The following SLC5A11 variants were observed in gnomAD, a reference collection of about 807,000 sequenced individuals.
The protein encoded by SLC5A11 is solute carrier family 5 member 11.
SLC5A11 carries 48 observed loss-of-function variants against 69.8 expected under a neutral mutation model. The observed-to-expected ratio is 0.69, with a 90% CI of 0.55 to 0.87. SLC5A11 has a LOEUF of 0.87. Among genes scored for constraint, SLC5A11 ranks in the 40% least tolerant of loss-of-function variants. The pLI is 0.00. For missense variants in SLC5A11, 784 were observed against 866.1 expected, an observed-to-expected ratio of 0.91 and a Z score of 1.19; for synonymous variants, 319 against 342.4, an observed-to-expected ratio of 0.93 and a Z score of 0.75.
At chr16:24,904,160 T>C (rs1232322213) in intron 10 of SLC5A11, among the ~76,000 whole-genome samples, 1 of 152,114 alleles carries the variant, frequency 6.6e-6, no homozygotes, top group Non-Finnish European at 1.5e-5. Context: ...ATCACCTCCC[T>C]CCCTCGACAT....
At chr16:24,897,871 CAT>C (rs2049290860) in intron 9 of SLC5A11, 101 bp from the exon 11 acceptor site, 30 of 1,445,204 alleles carry the variant, frequency 2.1e-5, no homozygotes, top group South Asian at 9.1e-5. Flanking sequence ...CCTCCCACAA[CAT>C]GTGGGAATTA....
chr16:24,907,180 G>A lies in SLC5A11; in HGVS notation c.1265+5G>A. Reference sequence around the variant, plus strand: ...GGAGCTCATGATTGTGGGCAGGTAAGTCCCCACTGGGTGGGGCTGGGGCAG... The same window carrying A: ...GGAGCTCATGATTGTGGGCAGGTAAATCCCCACTGGGTGGGGCTGGGGCAG... On this transcript the variant is annotated splice_donor_5th_base_variant and intron_variant, in intron 12 of 15. Coordinates refer to ENST00000347898, the Ensembl canonical transcript of SLC5A11. 6.2e-7 allele frequency: 1 copy of A among 1,613,960 alleles called. No individual in the cohort carries two copies. Among genetic ancestry groups the A allele is most frequent in the Non-Finnish European group, 8.5e-7 (1 of 1,179,942 alleles).
At position 24,849,690 on chromosome 16, in the gene SLC5A11, T is replaced by C. The variant is rs2059216469; in HGVS notation, c.-25+3252T>C. On this transcript the variant is annotated intron_variant, in intron 1 of 15. Transcript: ENST00000347898. The stretch of plus-strand genomic sequence containing the variant: ...GGCTCAGAAGGTGCTCTGTGATGTC[T>C]ATTCTCTCTGGAATAATGAGACAAG... 2.0e-5 allele frequency among the ~76,000 whole-genome samples: 3 copies of C among 147,744 alleles called. 1 individual carries two copies. The South Asian group carries it at 6.5e-4, about 32-fold the overall frequency.
At chr16:24,874,256 A>G (rs1443598613) in intron 5 of SLC5A11, among the ~76,000 whole-genome samples, 2 of 152,228 alleles carry the variant, frequency 1.3e-5, no homozygotes, top group Admixed American at 6.5e-5. Flanking sequence ...AGTTGCTCCC[A>G]GTATTGGTCT....
chr16:24,849,593 A>AAAAAAAATATATAT, intron 1 of SLC5A11, among the ~76,000 whole-genome samples: 3 of 35,908 alleles, frequency 8.4e-5, no homozygotes, highest in African/African-American at 2.8e-4. Flanking sequence ...AAAAAAAAAA[A>AAAAAAAATATATAT]ATATATATAT....
At chr16:24,876,362 T>G (rs957068078) in intron 6 of SLC5A11, among the ~76,000 whole-genome samples, 1 of 152,154 alleles carries the variant, frequency 6.6e-6, no homozygotes, top group Non-Finnish European at 1.5e-5. Flanking sequence ...ATAGGACTGT[T>G]CTCTTCCTCC....
intron 3 of SLC5A11, among the ~76,000 whole-genome samples, chr16:24,864,930 A>G (rs2046828328): frequency 6.6e-6 from 1 of 152,134 alleles, no homozygotes; most frequent in South Asian, 2.1e-4. Context: ...GAAATTGAAG[A>G]TAGATTAATT....
intron 10 of SLC5A11, among the ~76,000 whole-genome samples, chr16:24,904,121 A>T (rs1023995857): frequency 3.3e-5 from 5 of 152,194 alleles, no homozygotes; most frequent in Non-Finnish European, 4.4e-5. Context: ...TATCATGAGT[A>T]CACAAGGGGG....
At chr16:24,908,210 T>G in intron 13 of SLC5A11, 79 bp downstream of exon 14, 1 of 1,467,872 alleles carries the variant, frequency 6.8e-7, no homozygotes, top group Non-Finnish European at 9.1e-7. Context: ...GGGGAGGGTG[T>G]TGGAGGGAGA....
rs903201540 is a variant in SLC5A11, at chr16:24,903,206, ATTATTT to A, written c.1007-3447_1007-3442del. 4.0e-5 allele frequency among the ~76,000 whole-genome samples: 6 copies of A among 148,894 alleles called. No homozygotes were observed. The South Asian group carries it at 8.5e-4, about 21-fold the overall frequency. On this transcript the variant is annotated intron_variant, in intron 10 of 15. Transcript: ENST00000347898. The stretch of plus-strand genomic sequence containing the variant: ...GACATCTGTTTTTTTTTTTTCTCTT[ATTATTT>A]TTAACTAATTATTTTAATACAAATT...
intron 10 of SLC5A11, among the ~76,000 whole-genome samples, chr16:24,904,358 A>G (rs914659899): frequency 6.6e-6 from 1 of 152,220 alleles, no homozygotes; most frequent in African/African-American, 2.4e-5. Flanking sequence ...AGTAATTTAC[A>G]TCTCCACCAA....
chr16:24,860,982 C>T (rs963967523), intron 2 of SLC5A11, among the ~76,000 whole-genome samples: 1 of 150,676 alleles, frequency 6.6e-6, no homozygotes, highest in African/African-American at 2.4e-5. Flanking sequence ...GCTGGGATTA[C>T]AGGTGTGAGC....
intron 1 of SLC5A11, among the ~76,000 whole-genome samples, chr16:24,856,265 C>G (rs1022415274): frequency 2.0e-5 from 3 of 149,944 alleles, no homozygotes; most frequent in Non-Finnish European, 2.9e-5. Flanking sequence ...GGGCGAAAAT[C>G]CCATTTATCA....
At chr16:24,903,345 T>C (rs1017573764) in intron 10 of SLC5A11, among the ~76,000 whole-genome samples, 17 of 152,196 alleles carry the variant, frequency 1.1e-4, no homozygotes, top group Non-Finnish European at 1.9e-4. Flanking sequence ...ATCATTTCTT[T>C]GTGTTGGGGG....
At chr16:24,876,204 GAA>G (rs1162639357) in intron 6 of SLC5A11, among the ~76,000 whole-genome samples, 2 of 111,668 alleles carry the variant, frequency 1.8e-5, no homozygotes, top group African/African-American at 3.4e-5. Flanking sequence ...TCAAAAAAAA[GAA>G]AAAAAAAAAA....
rs2048337199 is a variant in SLC5A11, at chr16:24,885,578, G to A, written c.664+1447G>A. Among the ~76,000 whole-genome samples the A allele has an allele frequency of 5.4e-5, 8 of 148,570 alleles. No individual in the cohort carries two copies. The Admixed American group carries it at 5.5e-4, about 10-fold the overall frequency. ...TGGGAGGATGGCTTGAGCCTGGCAG[G>A]TTGAGTCTGCGGTGAGCTGAGATTG... On this transcript the variant is annotated intron_variant, in intron 8 of 15. Coordinates refer to ENST00000347898, the Ensembl canonical transcript of SLC5A11.
intron 12 of SLC5A11, 110 bp from the exon 14 acceptor site, chr16:24,907,853 C>A (rs1449596894): frequency 1.4e-6 from 2 of 1,444,750 alleles, no homozygotes; most frequent in Non-Finnish European, 1.9e-6. Flanking sequence ...ACCACTGCAC[C>A]CCGGCCTTGG....
chr16:24,886,687 T>C lies in SLC5A11; in HGVS notation c.664+2556T>C, dbSNP rs574554088. On this transcript the variant is annotated intron_variant, in intron 8 of 15. Coordinates refer to ENST00000347898, the Ensembl canonical transcript of SLC5A11. ...AAAAAAATGTGAAGTATAAGAATAC[T>C]TTTTAAATACTAAAGAATACAGACA... 2.0e-5 allele frequency among the ~76,000 whole-genome samples: 3 copies of C among 152,278 alleles called. No homozygotes were observed. In the South Asian group the frequency reaches 6.2e-4, roughly 32 times the overall value.
At chr16:24,860,958 C>T (rs1011245561) in intron 2 of SLC5A11, among the ~76,000 whole-genome samples, 1 of 152,018 alleles carries the variant, frequency 6.6e-6, no homozygotes, top group South Asian at 2.1e-4. Flanking sequence ...CCGCCTGCCT[C>T]GGCCTCCCAA....
Sources: gnomAD v4.1 joint callset for allele counts (sites outside exome capture counted in the v4.1 genomes callset) on GRCh38, gnomAD v4.1.1 for gene constraint, MANE v1.5 for transcripts, NCBI Gene and HGNC (gene_info 2026-07-23, HGNC 2026-07-21) for gene names.